The following CCDC178 variants were observed in gnomAD, a reference collection of about 807,000 sequenced individuals.
CCDC178 encodes the protein coiled-coil domain-containing protein 178.
Under a neutral mutation model 117.4 loss-of-function variants are expected in CCDC178, and 126 were observed. The observed-to-expected ratio is 1.07, with a 90% CI of 0.93 to 1.24. The LOEUF (loss-of-function observed/expected upper bound fraction) is 1.24. Ranked by LOEUF, CCDC178 falls within the 50% of genes most tolerant of loss-of-function variation. CCDC178 has a pLI of 0.00. For missense variants in CCDC178, 1,030 were observed against 986.9 expected (o/e 1.04, Z -0.59); for synonymous variants, 283 against 313.4 (o/e 0.90, Z 1.02).
At chr18:33,432,763 G>A (rs1025815489) in intron 2 of CCDC178, among the ~76,000 whole-genome samples, 3 of 151,978 alleles carry the variant, frequency 2.0e-5, no homozygotes, top group Non-Finnish European at 4.4e-5. Flanking sequence ...TTAATTGCAC[G>A]GCTTTGTCCA....
chr18:33,414,071 T>C lies in CCDC178; in HGVS notation c.-22-1961A>G, dbSNP rs76044823. ...ACAGCATAAACTAATCCAAAGACACTCTAAATAGCAAAATTACCAGATAAT... is the reference window on the plus strand; with the variant it reads ...ACAGCATAAACTAATCCAAAGACACCCTAAATAGCAAAATTACCAGATAAT... On this transcript the variant is annotated intron_variant, in intron 2 of 22. Transcript: ENST00000383096. 5.8e-3 allele frequency among the ~76,000 whole-genome samples: 876 copies of C among 152,120 alleles called. 65 individuals carry two copies. In the East Asian group the frequency reaches 0.15, roughly 26 times the overall value.
intron 20 of CCDC178, among the ~76,000 whole-genome samples, chr18:33,094,487 T>C (rs1206285208): frequency 1.3e-5 from 2 of 151,946 alleles, no homozygotes; most frequent in African/African-American, 4.8e-5. Flanking sequence ...GTTCATTTGT[T>C]TTTTTGATTA....
intron 18 of CCDC178, among the ~76,000 whole-genome samples, chr18:33,222,674 C>T (rs2059250894): frequency 6.6e-6 from 1 of 152,038 alleles, no homozygotes; most frequent in Non-Finnish European, 1.5e-5. Context: ...GGAACACAAA[C>T]ATTCAGACCA....
chr18:33,153,137 TA>T (rs1250068215), intron 20 of CCDC178, among the ~76,000 whole-genome samples: 49 of 114,996 alleles, frequency 4.3e-4, no homozygotes, highest in African/African-American at 2.1e-3. Context: ...GAGTGACAAT[TA>T]TATATATATA....
intron 21 of CCDC178, among the ~76,000 whole-genome samples, chr18:33,007,546 C>T (rs1598780991): frequency 6.6e-6 from 1 of 151,996 alleles, no homozygotes; most frequent in African/African-American, 2.4e-5. Flanking sequence ...TGCCCAAGAG[C>T]ACTGGGACCC....
In CCDC178 at chr18:33,330,823, T is replaced by C. The variant is rs1232938291; in HGVS notation, c.879+2351A>G. On this transcript the variant is annotated intron_variant, in intron 10 of 22. Coordinates refer to ENST00000383096, the MANE Select transcript of CCDC178 (RefSeq NM_001105528.4). Reference sequence around the variant, plus strand: ...TTGTTCTGTTAAGACCTTCAGTTGATTGCACAAGGCCTACCCACAATATGG... The same window carrying C: ...TTGTTCTGTTAAGACCTTCAGTTGACTGCACAAGGCCTACCCACAATATGG... Among the ~76,000 whole-genome samples the C allele has an allele frequency of 3.3e-5, 5 of 152,202 alleles. No individual in the cohort carries two copies. The Middle Eastern group carries it at 0.01, about 311-fold the overall frequency.
At chr18:33,000,814 T>C (rs577006385) in intron 21 of CCDC178, among the ~76,000 whole-genome samples, 1 of 152,224 alleles carries the variant, frequency 6.6e-6, no homozygotes, top group South Asian at 2.1e-4. Context: ...CTACAAGAAA[T>C]GCTAAGGAAG....
intron 20 of CCDC178, among the ~76,000 whole-genome samples, chr18:33,106,528 A>T (rs1376049103): frequency 6.6e-6 from 1 of 151,688 alleles, no homozygotes; most frequent in East Asian, 1.9e-4. Context: ...GAATAGGAAC[A>T]CTTATGGACA....
chr18:33,424,358 T>C (rs1370704980), intron 2 of CCDC178, among the ~76,000 whole-genome samples: 1 of 152,246 alleles, frequency 6.6e-6, no homozygotes, highest in East Asian at 1.9e-4. Context: ...GCTGAAATTT[T>C]GAACTCACTT....
chr18:33,222,199 G>C (rs2059242904), intron 18 of CCDC178, among the ~76,000 whole-genome samples: 1 of 151,358 alleles, frequency 6.6e-6, no homozygotes, highest in Non-Finnish European at 1.5e-5. Flanking sequence ...GTTTAATTTT[G>C]ACTTCTTCCT....
chr18:33,236,490 T>TGGTTTCTTAAGTGGACC (rs2059428474), intron 15 of CCDC178, among the ~76,000 whole-genome samples: 2 of 152,198 alleles, frequency 1.3e-5, no homozygotes, highest in South Asian at 4.1e-4. Context: ...CCATTGGGAA[T>TGGTTTCTTAAGTGGACC]GGTTTCTTAA....
At chr18:33,045,841 C>T (rs111671830) in intron 21 of CCDC178, among the ~76,000 whole-genome samples, 10,452 of 152,040 alleles carry the variant, frequency 0.069, 1,230 homozygotes, top group African/African-American at 0.24. Context: ...CCAAGGCGGG[C>T]AGATCACTTG....
intron 21 of CCDC178, among the ~76,000 whole-genome samples, chr18:33,017,246 T>C (rs759037511): frequency 1.3e-5 from 2 of 151,848 alleles, no homozygotes; most frequent in Non-Finnish European, 2.9e-5. Flanking sequence ...AATGAATGGG[T>C]TCTGCAAGAT....
At chr18:32,968,306 T>C (rs1320963374) in intron 22 of CCDC178, among the ~76,000 whole-genome samples, 1 of 152,128 alleles carries the variant, frequency 6.6e-6, no homozygotes, top group Non-Finnish European at 1.5e-5. Context: ...TTCACTTATG[T>C]TGTCTCAAAT....
chr18:33,415,407 T>C (rs1252158349), intron 2 of CCDC178, among the ~76,000 whole-genome samples: 2 of 152,112 alleles, frequency 1.3e-5, no homozygotes, highest in Admixed American at 6.6e-5. Flanking sequence ...TGTAGGGATG[T>C]GGATGAAGCT....
At chr18:33,300,263 A>G (rs2062159837) in intron 11 of CCDC178, among the ~76,000 whole-genome samples, 1 of 152,210 alleles carries the variant, frequency 6.6e-6, no homozygotes, top group Admixed American at 6.5e-5. Context: ...CCATGCTTCT[A>G]TAGCCTGCAG....
chr18:33,167,354 T>C (rs1157534208), intron 20 of CCDC178, among the ~76,000 whole-genome samples: 5 of 152,184 alleles, frequency 3.3e-5, no homozygotes, highest in Admixed American at 2.0e-4. Flanking sequence ...CTTTCCACAA[T>C]GGCTGAACTA....
At chr18:33,393,101 A>G (rs1297103916) in intron 4 of CCDC178, among the ~76,000 whole-genome samples, 1 of 152,162 alleles carries the variant, frequency 6.6e-6, no homozygotes, top group Non-Finnish European at 1.5e-5. Context: ...AAAAGTAGAC[A>G]CCACAACTCC....
At chr18:33,173,116 C>G (rs1346564726) in intron 20 of CCDC178, among the ~76,000 whole-genome samples, 1 of 152,142 alleles carries the variant, frequency 6.6e-6, no homozygotes. Flanking sequence ...GTGGCATGAC[C>G]TTGGCTCACT....
Sources: allele counts gnomAD v4.1 joint callset (sites outside exome capture counted in the v4.1 genomes callset), GRCh38; gene constraint gnomAD v4.1.1; transcripts MANE v1.5; gene names NCBI Gene and HGNC (gene_info 2026-07-23, HGNC 2026-07-21).